Variants in ESRP1 observed in about 807,000 individuals in gnomAD.
ESRP1 encodes the protein epithelial splicing regulatory protein 1.
A neutral mutation model predicts 81.7 loss-of-function variants in ESRP1; 33 were observed. That is an observed-to-expected ratio of 0.40 (90% CI 0.31 to 0.54). The LOEUF (loss-of-function observed/expected upper bound fraction) is 0.54. Among genes scored for constraint, ESRP1 ranks in the 20% least tolerant of loss-of-function variants. The probability of loss-of-function intolerance (pLI) is 0.41; values close to 1 mark genes in which losing one functional copy is unlikely to be tolerated. For synonymous variants in ESRP1, 320 were observed against 303.3 expected, an observed-to-expected ratio of 1.06 and a Z score of -0.57; for missense variants, 672 against 833.1, an observed-to-expected ratio of 0.81 and a Z score of 2.38.
At position 94,642,080 on chromosome 8, in the gene ESRP1, G is replaced by C; in HGVS notation, c.257G>C (p.Arg86Pro). Residue 86 changes from arginine (R) to proline (P), a missense_variant, in exon 2 of 16, where the codon CGA becomes CCA. Arg to Pro is a moderately radical substitution (Grantham distance 103, BLOSUM62 -2). Coordinates refer to ENST00000433389, the MANE Select transcript of ESRP1 (RefSeq NM_017697.4). ...SSASQLDQAL[R>P]QFNQSVSNEL... is the part of the protein sequence containing the mutation. Reference sequence around the variant, plus strand: ...GCGTCGCAGCTGGACCAAGCCCTCCGACAGGTGACAACCCCGGGTCACGCC... The same window carrying C: ...GCGTCGCAGCTGGACCAAGCCCTCCCACAGGTGACAACCCCGGGTCACGCC... 1 of 1,611,138 alleles carries C rather than the reference G, an allele frequency of 6.2e-7. No individual in the cohort carries two copies. Among genetic ancestry groups the C allele is most frequent in the Admixed American group, 1.7e-5 (1 of 60,010 alleles).
At chr8:94,702,842 A>G (rs888729577) in intron 15 of ESRP1, among the ~76,000 whole-genome samples, 1 of 152,192 alleles carries the variant, frequency 6.6e-6, no homozygotes, top group Non-Finnish European at 1.5e-5. Flanking sequence ...GTTCTCCACC[A>G]TGCCTGGCTG....
intron 15 of ESRP1, among the ~76,000 whole-genome samples, chr8:94,705,039 A>G (rs1263061612): frequency 2.6e-5 from 4 of 152,102 alleles, no homozygotes. Flanking sequence ...AAGGTAATCT[A>G]AAAGGTTGTA....
chr8:94,652,950 G>T (rs1818218712), intron 4 of ESRP1, among the ~76,000 whole-genome samples: 1 of 152,116 alleles, frequency 6.6e-6, no homozygotes, highest in Non-Finnish European at 1.5e-5. Context: ...ATCATTTGAG[G>T]CACGTTGGCT....
intron 10 of ESRP1, among the ~76,000 whole-genome samples, chr8:94,670,947 G>A (rs534121771): frequency 2.6e-5 from 4 of 152,284 alleles, no homozygotes; most frequent in Non-Finnish European, 5.9e-5. Context: ...TGTTTGGCCT[G>A]TGATTCTTTT....
At chr8:94,652,383 C>T (rs1818186456) in intron 4 of ESRP1, among the ~76,000 whole-genome samples, 1 of 151,942 alleles carries the variant, frequency 6.6e-6, no homozygotes, top group Non-Finnish European at 1.5e-5. Context: ...GAGAAGACCT[C>T]ATCTAGCAGG....
chr8:94,690,163 A>G (rs2130708305), intron 13 of ESRP1, among the ~76,000 whole-genome samples: 1 of 148,754 alleles, frequency 6.7e-6, no homozygotes, highest in Admixed American at 6.7e-5. Context: ...TTTTTTAGAG[A>G]CAGGATTTCA....
chr8:94,667,858 A>G, intron 9 of ESRP1, 91 bp from the exon 10 acceptor site: 3 of 1,105,644 alleles, frequency 2.7e-6, no homozygotes, highest in Non-Finnish European at 3.9e-6. Flanking sequence ...TATGAACTCA[A>G]GACATTGGCA....
At chr8:94,643,059 C>T (rs1049753520) in intron 2 of ESRP1, among the ~76,000 whole-genome samples, 1 of 152,084 alleles carries the variant, frequency 6.6e-6, no homozygotes, top group Non-Finnish European at 1.5e-5. Flanking sequence ...TTTGTAAAAA[C>T]AGAAGGGAGA....
rs6993182 is a variant in ESRP1 at position 94,702,450 on chromosome 8, T to A, written c.*36-3475T>A. 3.3e-3 allele frequency among the ~76,000 whole-genome samples: 500 copies of A among 152,286 alleles called. 3 individuals carry two copies. The highest frequency in any genetic ancestry group is 0.012 in the African/African-American group (487 of 41,556). On this transcript the variant is annotated intron_variant, in intron 15 of 15. Coordinates refer to ENST00000433389, the MANE Select transcript of ESRP1 (RefSeq NM_017697.4). ...GTTACCAGTTAATTACATGAAAAAA[T>A]ATAAAAACTGTATTTGATCATTTTG...
intron 15 of ESRP1, among the ~76,000 whole-genome samples, chr8:94,702,770 G>T (rs781486051): frequency 1.3e-5 from 2 of 151,950 alleles, no homozygotes; most frequent in African/African-American, 2.4e-5. Flanking sequence ...GGTGTGAGCC[G>T]CCACGCCCAG....
chr8:94,692,936 A>G (rs1451666504), intron 14 of ESRP1, 109 bp downstream of exon 14: 13 of 1,197,966 alleles, frequency 1.1e-5, no homozygotes, highest in Non-Finnish European at 1.5e-5. Flanking sequence ...GTGTGTGTAT[A>G]TATGCTAATG....
intron 13 of ESRP1, chr8:94,688,284 CAA>C (rs1233150449): frequency 6.0e-6 from 1 of 167,500 alleles, no homozygotes; most frequent in African/African-American, 2.4e-5. Context: ...AATGTCAAAA[CAA>C]GAGGCAAACA....
intron 4 of ESRP1, among the ~76,000 whole-genome samples, chr8:94,650,695 G>A (rs906199632): frequency 6.6e-6 from 1 of 151,812 alleles, no homozygotes; most frequent in African/African-American, 2.4e-5. Context: ...GTTTTCATAT[G>A]GACATAGGTT....
chr8:94,665,080 C>T (rs1380058486), intron 8 of ESRP1, 21 bp downstream of exon 8: 2 of 1,613,696 alleles, frequency 1.2e-6, no homozygotes, highest in East Asian at 2.2e-5. Context: ...AAAACCTGAA[C>T]CCCTGGACAT....
At chr8:94,698,255 T>A (rs1809684526) in intron 15 of ESRP1, among the ~76,000 whole-genome samples, 1 of 152,188 alleles carries the variant, frequency 6.6e-6, no homozygotes, top group Non-Finnish European at 1.5e-5. Context: ...AAACAAGAAT[T>A]CTCCATTCCT....
At position 94,646,298 on chromosome 8, in the gene ESRP1, T is replaced by C. The variant is rs60139063; in HGVS notation, c.490+16T>C. ...ATGACAGAGTGTATCCTTTAAATCATTACTCAAGAATCATTTGAAAAGATA... is the reference window on the plus strand; with the variant it reads ...ATGACAGAGTGTATCCTTTAAATCACTACTCAAGAATCATTTGAAAAGATA... On this transcript the variant is annotated intron_variant, in intron 4 of 15. Transcript: ENST00000433389. 0.69 allele frequency: 986,540 copies of C among 1,434,470 alleles called. 348,142 individuals carry two copies. The highest frequency in any genetic ancestry group is 0.81 in the South Asian group (66,427 of 82,252). The allele number at this position is 1,434,470 out of a possible 1,614,324, so 88.9% of individuals were successfully genotyped here. A position where few individuals can be genotyped will look rare whatever the true frequency, so the allele number is the denominator to read the frequency against.
chr8:94,690,298 T>TGA (rs1809344605), intron 13 of ESRP1, among the ~76,000 whole-genome samples: 1 of 100,486 alleles, frequency 1.0e-5, no homozygotes. Context: ...TTTTTTTTTT[T>TGA]TTTTTTGGAT....
chr8:94,676,308 C>T lies in ESRP1; in HGVS notation c.1651+1802C>T, dbSNP rs961445183. On this transcript the variant is annotated intron_variant, in intron 12 of 15. Transcript: ENST00000433389. ...CGGAGGTTGCAGTGAGCTGAGATTGCGCCACTATACTTCAGCCTGGGCGAC... is the reference window on the plus strand; with the variant it reads ...CGGAGGTTGCAGTGAGCTGAGATTGTGCCACTATACTTCAGCCTGGGCGAC... 1.0e-4 allele frequency among the ~76,000 whole-genome samples: 15 copies of T among 147,814 alleles called. No individual in the cohort carries two copies. In the Middle Eastern group the frequency reaches 0.01, roughly 101 times the overall value.
At position 94,671,653 on chromosome 8, in the gene ESRP1, C is replaced by A; in HGVS notation, c.1434C>A (p.His478Gln). ...CAGATATTCGTACTCATGGGGTTCA[C>A]ATGGTTTTGAATCACCAGGTAAGAA... is the stretch of plus-strand genomic sequence containing the variant. ...FATDIRTHGV[H>Q]MVLNHQGRPS... The change falls in exon 11 of 16, where the codon CAC becomes CAA. Residue 478 changes from histidine to glutamine, a missense_variant. Physicochemically the swap from His to Gln is conservative, Grantham distance 24 (BLOSUM62 0). Coordinates refer to ENST00000433389, the MANE Select transcript of ESRP1 (RefSeq NM_017697.4). The A allele has an allele frequency of 6.2e-7, 1 of 1,613,712 alleles. No individual in the cohort carries two copies. The highest frequency in any genetic ancestry group is 8.5e-7 in the Non-Finnish European group (1 of 1,179,766).
Sources: gnomAD v4.1 joint callset for allele counts (sites outside exome capture counted in the v4.1 genomes callset) on GRCh38, gnomAD v4.1.1 for gene constraint, MANE v1.5 for transcripts, NCBI Gene and HGNC (gene_info 2026-07-23, HGNC 2026-07-21) for gene names.